Variants in WDFY3 observed in about 807,000 individuals in gnomAD.
The protein encoded by WDFY3 is WD repeat and FYVE domain-containing protein 3.
A neutral mutation model predicts 409.6 loss-of-function variants in WDFY3; 66 were observed. The ratio of observed to expected loss-of-function variants is 0.16; its 90% CI spans 0.13 to 0.20. WDFY3 has a LOEUF of 0.20. Ranked by LOEUF, WDFY3 falls within the 10% of genes least tolerant of loss-of-function variation. The pLI is 1.00. For synonymous variants in WDFY3, 1,521 were observed against 1,537.1 expected (o/e 0.99, Z 0.25); for missense variants, 3,031 against 4,298.1 (o/e 0.71, Z 8.24).
intron 41 of WDFY3, 102 bp from the exon 42 acceptor site, chr4:84,736,429 A>AT (rs1737442145): frequency 1.8e-6 from 2 of 1,096,920 alleles, no homozygotes; most frequent in African/African-American, 3.2e-5. Context: ...TGTAGTTAAC[A>AT]AAAGTAGCAC....
chr4:84,719,499 G>A (rs1734498839), intron 47 of WDFY3, among the ~76,000 whole-genome samples: 1 of 152,092 alleles, frequency 6.6e-6, no homozygotes, highest in Admixed American at 6.5e-5. Flanking sequence ...AAAGCAACCA[G>A]AGCAAAAACT....
chr4:84,903,895 C>G (rs761156529), intron 2 of WDFY3, among the ~76,000 whole-genome samples: 1 of 152,070 alleles, frequency 6.6e-6, no homozygotes, highest in Non-Finnish European at 1.5e-5. Context: ...CTGTCTGTCT[C>G]TCTCCGTCCA....
intron 30 of WDFY3, among the ~76,000 whole-genome samples, chr4:84,768,068 G>A (rs1190541949): frequency 6.6e-6 from 1 of 152,192 alleles, no homozygotes; most frequent in Admixed American, 6.5e-5. Context: ...GTGTGACAAA[G>A]TGAGACCCTG....
At chr4:84,827,508 T>G (rs1275722925) in intron 9 of WDFY3, among the ~76,000 whole-genome samples, 1 of 151,666 alleles carries the variant, frequency 6.6e-6, no homozygotes, top group Non-Finnish European at 1.5e-5. Flanking sequence ...ATTTGGGGAG[T>G]GAGAGTTCCA....
rs1386435073 is a variant in WDFY3, at chr4:84,821,220, T to C, written c.1455A>G (p.Thr485=). Residue 485 remains threonine, a synonymous_variant, in exon 11 of 68, where the codon ACA becomes ACG. Coordinates refer to ENST00000295888, the MANE Select transcript of WDFY3 (RefSeq NM_014991.6). The part of the protein sequence containing the change: ...SYHCSIIAMK[T]LLKFTRHDYI... ...AGTCATGTCTTGTAAACTTAAGAAG[T>C]GTTTTCATTGCAATAATGCTACAGT... 2 of 1,613,754 alleles carry C rather than the reference T, an allele frequency of 1.2e-6. No homozygotes were observed. The highest frequency in any genetic ancestry group is 8.5e-7 in the Non-Finnish European group (1 of 1,179,816).
chr4:84,686,774 T>TATCTACTTGCTAATGCGACACACATC (rs1392876832), intron 62 of WDFY3, among the ~76,000 whole-genome samples: 3 of 152,120 alleles, frequency 2.0e-5, no homozygotes, highest in Non-Finnish European at 2.9e-5. Context: ...TGACACACAT[T>TATCTACTTGCTAATGCGACACACATC]ATCTACTTGC....
At chr4:84,775,182 T>G in intron 27 of WDFY3, 44 bp from the exon 28 acceptor site, 3 of 1,534,874 alleles carry the variant, frequency 2.0e-6, no homozygotes, top group Non-Finnish European at 2.7e-6. Flanking sequence ...TTAAAAAAAA[T>G]GCCCAAATGC....
chr4:84,692,419 GA>G (rs1322764931), intron 59 of WDFY3, among the ~76,000 whole-genome samples: 1 of 151,538 alleles, frequency 6.6e-6, no homozygotes, highest in Non-Finnish European at 1.5e-5. Context: ...ATTCTAAGGG[GA>G]AAAAACCTAC....
intron 7 of WDFY3, among the ~76,000 whole-genome samples, chr4:84,836,558 C>T (rs1387229048): frequency 6.6e-6 from 1 of 151,786 alleles, no homozygotes; most frequent in African/African-American, 2.4e-5. Context: ...TGGGGACTTC[C>T]TGTATATAAA....
intron 46 of WDFY3, among the ~76,000 whole-genome samples, chr4:84,723,030 T>C (rs375564930): frequency 7.9e-5 from 12 of 152,214 alleles, no homozygotes; most frequent in African/African-American, 2.9e-4. Flanking sequence ...TTTAGCTCAA[T>C]TAGAGATTAG....
chr4:84,795,623 G>A (rs551300770), intron 19 of WDFY3, among the ~76,000 whole-genome samples: 8 of 152,232 alleles, frequency 5.3e-5, no homozygotes, highest in South Asian at 2.1e-4. Context: ...TCAGCCAGGC[G>A]CGGTGGCGTG....
intron 10 of WDFY3, among the ~76,000 whole-genome samples, chr4:84,825,614 A>C (rs142181011): frequency 3.6e-4 from 55 of 152,268 alleles, no homozygotes; most frequent in Middle Eastern, 6.8e-3. Context: ...GGTTCTAAAC[A>C]ACTTATGTAC....
At chr4:84,698,047 C>T (rs1204261598) in intron 56 of WDFY3, among the ~76,000 whole-genome samples, 1 of 152,156 alleles carries the variant, frequency 6.6e-6, no homozygotes, top group Non-Finnish European at 1.5e-5. Context: ...CAACCACACA[C>T]ACTGCACGCT....
At chr4:84,911,911 C>T (rs1430342071) in intron 2 of WDFY3, among the ~76,000 whole-genome samples, 1 of 152,132 alleles carries the variant, frequency 6.6e-6, no homozygotes, top group Non-Finnish European at 1.5e-5. Context: ...TCATTAACTG[C>T]ATAAAATTAA....
intron 13 of WDFY3, among the ~76,000 whole-genome samples, chr4:84,814,719 T>C (rs1037832793): frequency 5.3e-5 from 8 of 152,174 alleles, no homozygotes; most frequent in African/African-American, 1.9e-4. Context: ...GTAGTGACAC[T>C]GGCATATTGT....
At chr4:84,948,597 T>C (rs1419095677) in intron 1 of WDFY3, among the ~76,000 whole-genome samples, 2 of 152,200 alleles carry the variant, frequency 1.3e-5, no homozygotes, top group Admixed American at 6.5e-5. Flanking sequence ...GATCAAGTCA[T>C]CACTAACATT....
At chr4:84,815,172 T>A (rs974721827) in intron 13 of WDFY3, among the ~76,000 whole-genome samples, 1 of 152,172 alleles carries the variant, frequency 6.6e-6, no homozygotes, top group Non-Finnish European at 1.5e-5. Flanking sequence ...CACAAGGGCC[T>A]TGGAAGCAAG....
chr4:84,850,173 A>G (rs1029681503), intron 4 of WDFY3, 148 bp from the exon 5 acceptor site: 12 of 771,826 alleles, frequency 1.6e-5, no homozygotes, highest in Non-Finnish European at 2.3e-5. Flanking sequence ...TGAAAATACA[A>G]CGCTTTCAAT....
At chr4:84,695,201 T>G (rs564603499) in intron 58 of WDFY3, among the ~76,000 whole-genome samples, 1 of 152,140 alleles carries the variant, frequency 6.6e-6, no homozygotes, top group South Asian at 2.1e-4. Flanking sequence ...GGAGGTTTGC[T>G]CATCACTGAA....
Sources: gnomAD v4.1 joint callset for allele counts (sites outside exome capture counted in the v4.1 genomes callset) on GRCh38, gnomAD v4.1.1 for gene constraint, MANE v1.5 for transcripts, NCBI Gene and HGNC (gene_info 2026-07-23, HGNC 2026-07-21) for gene names.